Variants in MCM9 observed in about 807,000 individuals in gnomAD.
The protein encoded by MCM9 is DNA helicase MCM9.
In MCM9, 55 loss-of-function variants were observed where a neutral mutation model predicts 72.8. The ratio of observed to expected loss-of-function variants is 0.76; its 90% confidence interval spans 0.61 to 0.95. The LOEUF is 0.95. Among genes scored for constraint, MCM9 ranks in the 40% least tolerant of loss-of-function variants. The pLI, the probability that MCM9 is intolerant of heterozygous loss-of-function variation, is 0.00. For missense variants in MCM9, 1,279 were observed against 1,377.0 expected (o/e 0.93, Z 1.13); for synonymous variants, 480 against 503.4 (o/e 0.95, Z 0.62).
At position 118,814,794 on chromosome 6, in the gene MCM9, G is replaced by C. The variant is rs776095452; in HGVS notation, c.*30C>G. On this transcript the variant is annotated 3_prime_UTR_variant, in exon 14 of 14. Transcript: ENST00000619706. ...GAAGGTCCTCTGTGGAGTTGAAGAA[G>C]GTGAGATTTGACCAGAAAGCTTTTC... 1.8e-5 allele frequency: 27 copies of C among 1,471,036 alleles called. No homozygotes were observed. The highest frequency in any genetic ancestry group is 2.3e-5 in the Non-Finnish European group (25 of 1,109,902). The allele number at this position is 1,471,036 out of a possible 1,614,324, so 91.1% of individuals were successfully genotyped here. A position where few individuals can be genotyped will look rare whatever the true frequency, so the allele number is the denominator to read the frequency against.
chr6:118,889,906 CAAA>C (rs1323486217), intron 8 of MCM9, among the ~76,000 whole-genome samples: 1 of 152,162 alleles, frequency 6.6e-6, no homozygotes, highest in Non-Finnish European at 1.5e-5. Context: ...GAAAAGAACA[CAAA>C]ACAGTGAAAC....
intron 9 of MCM9, among the ~76,000 whole-genome samples, chr6:118,855,769 G>T (rs1489803001): frequency 6.6e-6 from 1 of 152,144 alleles, no homozygotes; most frequent in Non-Finnish European, 1.5e-5. Context: ...TTGTAGCCAG[G>T]TAAGTTTCCT....
chr6:118,925,383 T>G (rs1781806750), intron 3 of MCM9, among the ~76,000 whole-genome samples: 1 of 152,210 alleles, frequency 6.6e-6, no homozygotes. Flanking sequence ...ACCTTAAGTT[T>G]CTATGGTCAG....
intron 8 of MCM9, among the ~76,000 whole-genome samples, chr6:118,901,699 T>C (rs114524873): frequency 3.3e-5 from 5 of 152,360 alleles, no homozygotes; most frequent in African/African-American, 1.2e-4. Flanking sequence ...ATGTTTGTAA[T>C]AGACCAAAGA....
chr6:118,910,532 C>G, intron 8 of MCM9: 1 of 762,066 alleles, frequency 1.3e-6, no homozygotes, highest in Non-Finnish European at 1.6e-6. Flanking sequence ...ACCAGTCATC[C>G]ACTTAGATGG....
intron 8 of MCM9, among the ~76,000 whole-genome samples, chr6:118,890,038 C>T (rs138127326): frequency 0.014 from 2,198 of 152,246 alleles, 30 homozygotes; most frequent in Non-Finnish European, 0.021. Flanking sequence ...CCACACCTTC[C>T]AAGGGATGCC....
chr6:118,853,766 T>G (rs1000862936), intron 9 of MCM9, among the ~76,000 whole-genome samples: 4 of 152,148 alleles, frequency 2.6e-5, no homozygotes, highest in Non-Finnish European at 5.9e-5. Flanking sequence ...GCCTCTGTAC[T>G]CTAACTTGGG....
chr6:118,850,475 G>GTCTC lies in MCM9; in HGVS notation c.1325+5895_1325+5896insGAGA, dbSNP rs1379391606. ...TCCCTGTAAGAAGGGTGTTATTTTTGTATCAGAGACGACAGTTATCACCCA... is the reference window on the plus strand; with the variant it reads ...TCCCTGTAAGAAGGGTGTTATTTTTGTCTCTATCAGAGACGACAGTTATCACCCA... On this transcript the variant is annotated intron_variant, in intron 9 of 13. Transcript: ENST00000619706. Among the ~76,000 whole-genome samples the GTCTC allele has an allele frequency of 2.0e-5, 3 of 151,804 alleles. No homozygotes were observed. The East Asian group carries it at 5.8e-4, about 29-fold the overall frequency.
Position 118,815,712 on chromosome 6 carries a change from C to T in MCM9, c.2544G>A (p.Leu848=). Residue 848 remains leucine, a synonymous_variant, in exon 14 of 14, where the codon CTG becomes CTA. Coordinates refer to ENST00000619706, the MANE Select transcript of MCM9 (RefSeq NM_017696.3). ...SVLTHHVPRN[L]QKLCKERAQK... is the part of the protein sequence containing the mutation. ...GGGCCCTCTCTTTGCACAGCTTCTG[C>T]AGGTTCCTGGGGACATGATGAGTCA... The T allele has an allele frequency of 1.3e-6, 2 of 1,546,752 alleles. No individual in the cohort carries two copies. Among genetic ancestry groups the T allele is most frequent in the Non-Finnish European group, 1.7e-6 (2 of 1,146,548 alleles).
chr6:118,931,740 T>G lies in MCM9; in HGVS notation c.-15-2A>C, dbSNP rs202154584. ...GCTATTCATCTTGAATCTAGGTAAC[T>G]AAAGAAAAAAAAAAGGATCATATTA... On this transcript the variant is annotated splice_acceptor_variant, in intron 2 of 13. Transcript: ENST00000619706. LOFTEE classifies it low-confidence loss of function (5UTR_SPLICE). 2.5e-4 allele frequency: 378 copies of G among 1,541,224 alleles called. No individual in the cohort carries two copies. Among genetic ancestry groups the G allele is most frequent in the Non-Finnish European group, 1.1e-4 (127 of 1,145,662 alleles).
chr6:118,878,351 G>GA (rs1415004218), intron 8 of MCM9, among the ~76,000 whole-genome samples: 1 of 151,976 alleles, frequency 6.6e-6, no homozygotes, highest in Non-Finnish European at 1.5e-5. Flanking sequence ...AGGCTGAAAT[G>GA]AAAAAACACT....
intron 8 of MCM9, among the ~76,000 whole-genome samples, chr6:118,893,660 C>A (rs1779100154): frequency 1.3e-5 from 2 of 152,134 alleles, no homozygotes; most frequent in Non-Finnish European, 2.9e-5. Flanking sequence ...GAGCTGACAT[C>A]GGTCTATAAC....
chr6:118,921,143 G>C (rs1781391906), intron 5 of MCM9: 1 of 152,194 alleles, frequency 6.6e-6, no homozygotes, highest in African/African-American at 2.4e-5. Context: ...TTATTATCCA[G>C]ATCAACTGCC....
At chr6:118,881,957 A>G (rs1432674737) in intron 8 of MCM9, among the ~76,000 whole-genome samples, 2 of 152,136 alleles carry the variant, frequency 1.3e-5, no homozygotes, top group Admixed American at 1.3e-4. Flanking sequence ...TGAGCTCTTA[A>G]TCAAGGGATA....
chr6:118,845,781 A>T (rs1775820370), intron 9 of MCM9, among the ~76,000 whole-genome samples: 1 of 151,840 alleles, frequency 6.6e-6, no homozygotes, highest in South Asian at 2.1e-4. Flanking sequence ...TCACTGGATA[A>T]CTGAATTTTT....
intron 13 of MCM9, among the ~76,000 whole-genome samples, chr6:118,820,110 T>A (rs1279789039): frequency 6.6e-6 from 1 of 152,158 alleles, no homozygotes; most frequent in Non-Finnish European, 1.5e-5. Flanking sequence ...GTTTTTCGTG[T>A]CTCTATCTCC....
intron 9 of MCM9, among the ~76,000 whole-genome samples, chr6:118,837,117 A>T (rs529792604): frequency 4.6e-5 from 7 of 152,180 alleles, no homozygotes; most frequent in Middle Eastern, 6.8e-3. Context: ...TTTCTGCCTT[A>T]ATTTCGTTAT....
intron 9 of MCM9, among the ~76,000 whole-genome samples, chr6:118,831,170 T>A (rs1332736989): frequency 6.6e-6 from 1 of 151,904 alleles, no homozygotes; most frequent in African/African-American, 2.4e-5. Flanking sequence ...CTAGTCAACA[T>A]GGTGAAACCC....
At chr6:118,868,139 T>A (rs139482792) in intron 8 of MCM9, among the ~76,000 whole-genome samples, 5,908 of 152,214 alleles carry the variant, frequency 0.039, 255 homozygotes, top group African/African-American at 0.11. Context: ...CCTCCCAAAG[T>A]GCTGGGATTA....
Sources: allele counts gnomAD v4.1 joint callset (sites outside exome capture counted in the v4.1 genomes callset), GRCh38; gene constraint gnomAD v4.1.1; transcripts MANE v1.5; gene names NCBI Gene and HGNC (gene_info 2026-07-23, HGNC 2026-07-21).